SCIN: variants seen among roughly 807,000 people sequenced by gnomAD.
SCIN encodes adseverin.
SCIN carries 91 observed loss-of-function variants against 91.8 expected under a neutral mutation model. The ratio of observed to expected loss-of-function variants is 0.99; its 90% CI spans 0.84 to 1.18. The LOEUF is 1.18. Among genes scored for constraint, SCIN ranks in the 50% most tolerant of loss-of-function variants. The probability of loss-of-function intolerance (pLI) is 0.00; values close to 1 mark genes in which losing one functional copy is unlikely to be tolerated. For synonymous variants in SCIN, 367 were observed against 312.6 expected (o/e 1.17, Z -1.84); for missense variants, 1,087 against 863.9 (o/e 1.26, Z -3.24).
chr7:12,657,572 ATTTTTT>A lies in SCIN; in HGVS notation c.*4878_*4883del, dbSNP rs71030521. 8.6e-4 allele frequency: 19 copies of A among 22,068 alleles called. No individual in the cohort carries two copies. The highest frequency in any genetic ancestry group is 2.3e-3 in the Admixed American group (2 of 862). 1.4% of individuals were successfully genotyped at this position (22,068 alleles called of 1,614,324 possible). On this transcript the variant is annotated 3_prime_UTR_variant, in exon 16 of 16. Coordinates refer to ENST00000297029, the MANE Select transcript of SCIN (RefSeq NM_001112706.3). ...TATATATATATATATATATATATAT[ATTTTTT>A]TTTTTTTTTTTTTTTTTTTTGCATT...
chr7:12,612,182 T>C (rs1783206010), intron 4 of SCIN, among the ~76,000 whole-genome samples: 1 of 152,192 alleles, frequency 6.6e-6, no homozygotes, highest in Non-Finnish European at 1.5e-5. Flanking sequence ...CCTTGGGAAA[T>C]TGAACAATGT....
At chr7:12,632,839 T>A (rs1354326495) in intron 9 of SCIN, among the ~76,000 whole-genome samples, 1 of 152,204 alleles carries the variant, frequency 6.6e-6, no homozygotes, top group Non-Finnish European at 1.5e-5. Flanking sequence ...GAGGGGATGG[T>A]CATTTAGCTT....
rs373218127 is a variant in SCIN at position 12,644,621 on chromosome 7, C to T, written c.1797C>T (p.Tyr599=). The change falls in exon 13 of 16, where the codon TAC becomes TAT. Residue 599 remains tyrosine, a synonymous_variant. Coordinates refer to ENST00000297029, the MANE Select transcript of SCIN (RefSeq NM_001112706.3). ...ATTCCCTTGGAGGGAAAAAAGACTA[C>T]CAGACCTCACCACTACTGGAAACCC... is the stretch of plus-strand genomic sequence containing the variant. ...FWNSLGGKKD[Y]QTSPLLETQA... The T allele has an allele frequency of 2.2e-5, 35 of 1,607,590 alleles. No homozygotes were observed. The African/African-American group carries it at 3.1e-4, about 14-fold the overall frequency.
At chr7:12,619,868 G>C (rs1304995027) in intron 4 of SCIN, among the ~76,000 whole-genome samples, 1 of 152,038 alleles carries the variant, frequency 6.6e-6, no homozygotes, top group East Asian at 1.9e-4. Context: ...TTACTCAATG[G>C]CTGGCAGCTA....
chr7:12,591,770 G>A (rs1782728379), intron 3 of SCIN, among the ~76,000 whole-genome samples: 1 of 152,134 alleles, frequency 6.6e-6, no homozygotes. Flanking sequence ...GGAGGAGGGT[G>A]GGGGTAGATT....
rs979321677 is a variant in SCIN at position 12,657,673 on chromosome 7, T to C, written c.*4958T>C. On this transcript the variant is annotated 3_prime_UTR_variant, in exon 16 of 16. Transcript: ENST00000297029. Reference sequence around the variant, plus strand: ...CAATCAGTGGAAGACAAATCAGAGGTATTATTTTCCCTTGGGCCTTTGCAG... The same window carrying C: ...CAATCAGTGGAAGACAAATCAGAGGCATTATTTTCCCTTGGGCCTTTGCAG... 5 of 144,236 alleles carry C rather than the reference T, an allele frequency of 3.5e-5. No homozygotes were observed. Among genetic ancestry groups the C allele is most frequent in the Non-Finnish European group, 6.0e-5 (4 of 66,520 alleles). 8.9% of individuals were successfully genotyped at this position (144,236 alleles called of 1,614,324 possible). A position where few individuals can be genotyped will look rare whatever the true frequency, so the allele number is the denominator to read the frequency against.
At chr7:12,601,836 A>G (rs929121312) in intron 3 of SCIN, among the ~76,000 whole-genome samples, 14 of 152,158 alleles carry the variant, frequency 9.2e-5, no homozygotes, top group African/African-American at 3.4e-4. Context: ...TGTATTCTTG[A>G]TGATATACCT....
intron 8 of SCIN, among the ~76,000 whole-genome samples, chr7:12,627,120 G>C (rs1783543229): frequency 6.7e-6 from 1 of 149,892 alleles, no homozygotes; most frequent in South Asian, 2.1e-4. Flanking sequence ...ACACATAAAT[G>C]TGTATATATA....
chr7:12,623,426 C>G (rs1783450408), intron 5 of SCIN, among the ~76,000 whole-genome samples: 1 of 152,180 alleles, frequency 6.6e-6, no homozygotes, highest in African/African-American at 2.4e-5. Flanking sequence ...TGATTAGGAG[C>G]ATGACTTTGC....
intron 4 of SCIN, among the ~76,000 whole-genome samples, chr7:12,613,465 C>T (rs565361281): frequency 6.6e-6 from 1 of 152,252 alleles, no homozygotes; most frequent in South Asian, 2.1e-4. Context: ...ATGCAAGATT[C>T]AGCCATTCAT....
chr7:12,600,901 C>T (rs536518381), intron 3 of SCIN, among the ~76,000 whole-genome samples: 1 of 152,210 alleles, frequency 6.6e-6, no homozygotes, highest in African/African-American at 2.4e-5. Context: ...CACTGGGAGC[C>T]CTTTATTTTT....
At chr7:12,620,202 G>A (rs1783379022) in intron 4 of SCIN, among the ~76,000 whole-genome samples, 1 of 152,004 alleles carries the variant, frequency 6.6e-6, no homozygotes, top group Admixed American at 6.6e-5. Flanking sequence ...TTGTGTGTGT[G>A]TGATGAAAAT....
intron 1 of SCIN, among the ~76,000 whole-genome samples, chr7:12,576,175 C>A (rs756061157): frequency 2.0e-5 from 3 of 152,102 alleles, no homozygotes; most frequent in Non-Finnish European, 4.4e-5. Flanking sequence ...CTTAAGGCAT[C>A]ATAAAAATCT....
intron 13 of SCIN, among the ~76,000 whole-genome samples, chr7:12,647,215 G>A (rs968700242): frequency 1.7e-4 from 26 of 152,054 alleles, no homozygotes; most frequent in African/African-American, 5.8e-4. Context: ...TTTGTTATGC[G>A]TATATATTAG....
In SCIN at chr7:12,655,281, C is replaced by A. The variant is rs1784148039; in HGVS notation, c.*2566C>A. The A allele has an allele frequency of 6.6e-6, 1 of 152,062 alleles. No individual in the cohort carries two copies. The allele number at this position is 152,062 out of a possible 1,614,324, so 9.4% of individuals were successfully genotyped here. On this transcript the variant is annotated 3_prime_UTR_variant, in exon 16 of 16. Transcript: ENST00000297029. ...ATAGTTTTGATCCGCAGATGTAGAA[C>A]CCACAGATATGATAAATCAACTGTA...
At chr7:12,626,825 A>G (rs1406755266) in intron 8 of SCIN, 26 bp downstream of exon 8, 1 of 1,569,018 alleles carries the variant, frequency 6.4e-7, no homozygotes. Context: ...TGTTTTTATC[A>G]AGCCCATTAA....
intron 3 of SCIN, 104 bp downstream of exon 3, chr7:12,581,325 G>A (rs999124431): frequency 8.7e-7 from 1 of 1,151,638 alleles, no homozygotes; most frequent in Admixed American, 2.5e-5. Flanking sequence ...CTACACACCA[G>A]AAAGGGGCCA....
intron 4 of SCIN, among the ~76,000 whole-genome samples, chr7:12,615,991 A>G (rs1171311145): frequency 1.3e-5 from 2 of 152,104 alleles, no homozygotes; most frequent in East Asian, 1.9e-4. Flanking sequence ...AAATATGTGT[A>G]TATGTATATG....
intron 10 of SCIN, among the ~76,000 whole-genome samples, chr7:12,637,227 C>G (rs1172638031): frequency 6.6e-6 from 1 of 152,176 alleles, no homozygotes; most frequent in South Asian, 2.1e-4. Context: ...CAGTGCAGAA[C>G]AAGCACAGAT....
Sources: gnomAD v4.1 joint callset for allele counts (sites outside exome capture counted in the v4.1 genomes callset) on GRCh38, gnomAD v4.1.1 for gene constraint, MANE v1.5 for transcripts, NCBI Gene and HGNC (gene_info 2026-07-23, HGNC 2026-07-21) for gene names.